STARD7: variants seen among roughly 807,000 people sequenced by gnomAD.
STARD7 encodes the protein stAR-related lipid transfer protein 7, mitochondrial.
A neutral mutation model predicts 45.3 loss-of-function variants in STARD7; 30 were observed. The observed-to-expected ratio is 0.66, with a 90% CI of 0.50 to 0.90. The LOEUF (loss-of-function observed/expected upper bound fraction) is 0.90, where lower values mean the gene tolerates loss of function less well. Ranked by LOEUF, STARD7 falls within the 40% of genes least tolerant of loss-of-function variation. STARD7 has a pLI of 0.00. For missense variants in STARD7, 495 were observed against 491.3 expected (o/e 1.01, Z -0.07); for synonymous variants, 199 against 183.0 (o/e 1.09, Z -0.70).
intron 1 of STARD7, among the ~76,000 whole-genome samples, chr2:96,199,636 A>G (rs1558736545): frequency 6.6e-6 from 1 of 152,212 alleles, no homozygotes; most frequent in African/African-American, 2.4e-5. Flanking sequence ...TTTCCAATCT[A>G]AATGACTTTC....
In STARD7 at chr2:96,185,111, T is replaced by C. The variant is rs538663599; in HGVS notation, c.*1619A>G. 2 of 152,686 alleles carry C rather than the reference T, an allele frequency of 1.3e-5. No homozygotes were observed. Among genetic ancestry groups the C allele is most frequent in the East Asian group, 1.9e-4 (1 of 5,184 alleles). The allele number at this position is 152,686 out of a possible 1,614,324, so 9.5% of individuals were successfully genotyped here. A position where few individuals can be genotyped will look rare whatever the true frequency, so the allele number is the denominator to read the frequency against. ...CACACATCCATCCACATCCCAACAA[T>C]TGCAGGTGCTAAGTTTGGACATAAC... On this transcript the variant is annotated 3_prime_UTR_variant, in exon 8 of 8. Transcript: ENST00000337288.
Position 96,195,463 on chromosome 2 carries a change from G to A in STARD7, c.377C>T (p.Ala126Val). The A allele has an allele frequency of 6.2e-7, 1 of 1,613,670 alleles. No homozygotes were observed. The highest frequency in any genetic ancestry group is 8.5e-7 in the Non-Finnish European group (1 of 1,179,790). The change falls in exon 2 of 8, where the codon GCC (alanine) becomes GTC (valine). Residue 126 changes from alanine to valine, a missense_variant. Transcript: ENST00000337288. Reference protein sequence around the residue: ...GVQHHPPEPKAQTEGNEDSEG... With the variant: ...GVQHHPPEPKVQTEGNEDSEG... ...TGAATCTTCATTCCCTTCTGTTTGG[G>A]CTTTTGGTTCTGGAGGGTGGTGCTG...
chr2:96,185,232 CAAT>C lies in STARD7; in HGVS notation c.*1495_*1497del, dbSNP rs1164828031. 1 of 152,608 alleles carries C rather than the reference CAAT, an allele frequency of 6.6e-6. No individual in the cohort carries two copies. Among genetic ancestry groups the C allele is most frequent in the Non-Finnish European group, 1.5e-5 (1 of 68,048 alleles). 9.5% of individuals were successfully genotyped at this position (152,608 alleles called of 1,614,324 possible). Reference sequence around the variant, plus strand: ...GCTCGATGCATCTCTCCTCTTCCAACAATGACGCGGAGAAGGCAAGACATACAC... The same window carrying C: ...GCTCGATGCATCTCTCCTCTTCCAACGACGCGGAGAAGGCAAGACATACAC... On this transcript the variant is annotated 3_prime_UTR_variant, in exon 8 of 8. Coordinates refer to ENST00000337288, the MANE Select transcript of STARD7 (RefSeq NM_020151.4).
Position 96,208,328 on chromosome 2 carries a change from C to G in STARD7, c.107G>C (p.Arg36Pro). ...QCRFVTGLRV[R>P]RAQQIAQLYG... ...GAGCTGCGCGATCTGCTGCGCGCGC[C>G]GCACGCGCAGGCCCGTGACGAAGCG... Residue 36 changes from arginine (R) to proline (P), a missense_variant, in exon 1 of 8, where the codon CGG (arginine) becomes CCG (proline). Transcript: ENST00000337288. 1.2e-6 allele frequency: 2 copies of G among 1,604,018 alleles called. No individual in the cohort carries two copies. The highest frequency in any genetic ancestry group is 1.7e-6 in the Non-Finnish European group (2 of 1,177,660).
Position 96,193,325 on chromosome 2 carries a change from C to T in STARD7, c.577G>A (p.Asp193Asn). The T allele has an allele frequency of 1.2e-6, 2 of 1,613,718 alleles. No homozygotes were observed. Among genetic ancestry groups the T allele is most frequent in the Admixed American group, 1.7e-5 (1 of 60,022 alleles). The change falls in exon 4 of 8, where the codon GAT becomes AAT. Residue 193 changes from aspartate (D) to asparagine (N), a missense_variant. Asp to Asn is a conservative substitution (Grantham distance 23). Coordinates refer to ENST00000337288, the MANE Select transcript of STARD7 (RefSeq NM_020151.4). ...QLDTEYRKKW[D>N]ALVIKLEVIE... Reference sequence around the variant, plus strand: ...ACCTCCAGCTTGATTACCAGGGCATCCCATTTTTTTCTATACTCTGTGTCC... The same window carrying T: ...ACCTCCAGCTTGATTACCAGGGCATTCCATTTTTTTCTATACTCTGTGTCC...
intron 6 of STARD7, among the ~76,000 whole-genome samples, chr2:96,190,817 T>G (rs891442871): frequency 3.9e-5 from 6 of 152,062 alleles, no homozygotes; most frequent in African/African-American, 1.4e-4. Context: ...TAATTTTTAT[T>G]TTTTGTAGAG....
rs1683448683 is a variant in STARD7, at chr2:96,208,574, A to G, written c.-140T>C. 1.5e-6 allele frequency: 1 copy of G among 684,168 alleles called. No homozygotes were observed. The highest frequency in any genetic ancestry group is 4.3e-5 in the Admixed American group (1 of 23,346). 42.4% of individuals were successfully genotyped at this position (684,168 alleles called of 1,614,324 possible). The stretch of plus-strand genomic sequence containing the variant: ...GTCCCGCGGCCAGGAGCCGCCGCTC[A>G]TCTGTCTCTGCAGCCACCGCTGAGG... On this transcript the variant is annotated 5_prime_UTR_variant, in exon 1 of 8. It removes an upstream start codon present in the reference 5' UTR. Transcript: ENST00000337288.
At chr2:96,199,032 T>C (rs184570255) in intron 1 of STARD7, among the ~76,000 whole-genome samples, 100 of 152,338 alleles carry the variant, frequency 6.6e-4, no homozygotes, top group Admixed American at 2.1e-3. Context: ...ATTCTAACAA[T>C]CTAGATGTCT....
intron 1 of STARD7, among the ~76,000 whole-genome samples, chr2:96,203,776 A>AAC (rs1573947176): frequency 6.6e-6 from 1 of 152,136 alleles, no homozygotes; most frequent in Non-Finnish European, 1.5e-5. Context: ...CAGCCTGGCC[A>AAC]ACACAGTGAA....
intron 1 of STARD7, 77 bp downstream of exon 1, chr2:96,208,068 A>C (rs192567667): frequency 1.7e-4 from 242 of 1,383,274 alleles, no homozygotes; most frequent in Non-Finnish European, 2.3e-4. Flanking sequence ...AACAAGGGCC[A>C]ACGACCACAG....
At position 96,200,480 on chromosome 2, in the gene STARD7, A is replaced by C. The variant is rs1423673016; in HGVS notation, c.291-4931T>G. Among the ~76,000 whole-genome samples, 5 of 152,342 alleles carry C rather than the reference A, an allele frequency of 3.3e-5. No individual in the cohort carries two copies. In the East Asian group the frequency reaches 9.6e-4, roughly 29 times the overall value. ...TATAAAAACATAGGGAATTATATAC[A>C]ACAAATTGGGATAATGGTGACATCT... On this transcript the variant is annotated intron_variant, in intron 1 of 7. Transcript: ENST00000337288.
chr2:96,208,407 A>C lies in STARD7; in HGVS notation c.28T>G (p.Trp10Gly), dbSNP rs200913103. MLPRRLLAA[W>G]LAGTRGGGLL... ...CCCCCGCCCCGCGTCCCCGCCAGCC[A>C]GGCGGCCAGCAGCCTCCGCGGGAGC... Residue 10 changes from tryptophan (W) to glycine (G), a missense_variant, in exon 1 of 8, where the codon TGG (tryptophan) becomes GGG (glycine). Physicochemically the swap from Trp to Gly is radical, Grantham distance 184. This residue lies in a region of STARD7 where 282 missense variants were observed against 220.1 expected (regional missense o/e 1.28). Transcript: ENST00000337288. The C allele has an allele frequency of 7.3e-5, 105 of 1,437,920 alleles. No individual in the cohort carries two copies. The East Asian group carries it at 2.5e-3, about 35-fold the overall frequency. 89.1% of individuals were successfully genotyped at this position (1,437,920 alleles called of 1,614,324 possible).
At position 96,208,656 on chromosome 2, in the gene STARD7, C is replaced by T; in HGVS notation, c.-222G>A. On this transcript the variant is annotated 5_prime_UTR_variant, in exon 1 of 8. Coordinates refer to ENST00000337288, the MANE Select transcript of STARD7 (RefSeq NM_020151.4). ...GGCAGCAGACGCCGGGATGGCTCCG[C>T]GACTGCTACACCAGGCACTCCTGGG... The T allele has an allele frequency of 8.6e-6, 4 of 464,378 alleles. No homozygotes were observed. 28.8% of individuals were successfully genotyped at this position (464,378 alleles called of 1,614,324 possible). A position where few individuals can be genotyped will look rare whatever the true frequency, so the allele number is the denominator to read the frequency against.
At chr2:96,196,288 C>A (rs754645170) in intron 1 of STARD7, among the ~76,000 whole-genome samples, 2 of 152,000 alleles carry the variant, frequency 1.3e-5, no homozygotes, top group South Asian at 2.1e-4. Context: ...CACAGTGAGA[C>A]CCTACCTCTA....
Position 96,194,973 on chromosome 2 carries a change from C to T in STARD7, c.534G>A (p.Gln178=). ...FGTYTDVTPR[Q]FFNVQLDTEY... ...ATTAACTCACCTGAACATTGAAGAA[C>T]TGCCGAGGTGTCACATCTGTGTAGG... is the stretch of plus-strand genomic sequence containing the variant. Residue 178 remains glutamine (Q), a synonymous_variant, in exon 3 of 8, where the codon CAG becomes CAA. Transcript: ENST00000337288. The T allele has an allele frequency of 6.2e-7, 1 of 1,610,378 alleles. No homozygotes were observed. The highest frequency in any genetic ancestry group is 2.2e-5 in the East Asian group (1 of 44,830).
At chr2:96,194,710 T>C (rs1683176070) in intron 3 of STARD7, among the ~76,000 whole-genome samples, 1 of 152,236 alleles carries the variant, frequency 6.6e-6, no homozygotes, top group Admixed American at 6.5e-5. Flanking sequence ...TACATTAAAG[T>C]ATTCATATCC....
chr2:96,206,266 T>C (rs1223937284), intron 1 of STARD7, among the ~76,000 whole-genome samples: 1 of 152,118 alleles, frequency 6.6e-6, no homozygotes, highest in Non-Finnish European at 1.5e-5. Flanking sequence ...ATTAATATCA[T>C]CCATAAAAAT....
intron 1 of STARD7, among the ~76,000 whole-genome samples, chr2:96,197,075 A>AAACTAAACTAAACAAC (rs1558735779): frequency 7.9e-6 from 1 of 126,540 alleles, no homozygotes. Flanking sequence ...TCAAAATAAA[A>AAACTAAACTAAACAAC]TAAAATAAAA....
rs1260191027 is a variant in STARD7, at chr2:96,200,720, C to T, written c.291-5171G>A. On this transcript the variant is annotated intron_variant, in intron 1 of 7. Transcript: ENST00000337288. ...TTTTTGAGACAAAGTCTCACTATGT[C>T]GCCGAAACTGGCCTCAAATTCCTGG... is the stretch of plus-strand genomic sequence containing the variant. Among the ~76,000 whole-genome samples the T allele has an allele frequency of 2.6e-5, 4 of 152,142 alleles. No individual in the cohort carries two copies. In the East Asian group the frequency reaches 7.7e-4, roughly 29 times the overall value.
Sources: gnomAD v4.1 joint callset for allele counts (sites outside exome capture counted in the v4.1 genomes callset) on GRCh38, gnomAD v4.1.1 for gene constraint, gnomAD v4.1.1 regional missense constraint, MANE v1.5 for transcripts, NCBI Gene and HGNC (gene_info 2026-07-23, HGNC 2026-07-21) for gene names.